Variants in COL4A4 observed in about 807,000 individuals in gnomAD.
The protein encoded by COL4A4 is collagen alpha-4(IV) chain.
Under a neutral mutation model 192.9 loss-of-function variants are expected in COL4A4, and 105 were observed. The observed-to-expected ratio is 0.54, with a 90% CI of 0.46 to 0.64. COL4A4 has a LOEUF of 0.64. Ranked by LOEUF, COL4A4 falls within the 30% of genes least tolerant of loss-of-function variation. COL4A4 has a pLI of 0.00. For missense variants in COL4A4, 1,967 were observed against 2,169.3 expected, an observed-to-expected ratio of 0.91 and a Z score of 1.85; for synonymous variants, 762 against 769.9, an observed-to-expected ratio of 0.99 and a Z score of 0.17.
chr2:227,111,806 C>T, intron 8 of COL4A4, 93 bp from the exon 9 acceptor site: 1 of 1,292,724 alleles, frequency 7.7e-7, no homozygotes, highest in Non-Finnish European at 1.1e-6. Context: ...ATTATCTGGA[C>T]TCATCTAACT....
chr2:227,140,879 A>T (rs1171364620), intron 3 of COL4A4, among the ~76,000 whole-genome samples: 27 of 30,294 alleles, frequency 8.9e-4, no homozygotes, highest in African/African-American at 5.9e-3. Flanking sequence ...AGAGCATCAC[A>T]CACACACACA....
At position 227,114,688 on chromosome 2, in the gene COL4A4, A is replaced by C. The variant is rs775512192; in HGVS notation, c.498T>G (p.Pro166=). The change falls in exon 8 of 48, where the codon CCT becomes CCG. Residue 166 remains proline, a synonymous_variant. Coordinates refer to ENST00000396625, the MANE Select transcript of COL4A4 (RefSeq NM_000092.5). The part of the protein sequence containing the change: ...ALGPGGPLGH[P]GEKGEKGNSV... ...AATTTCCTTTTTCTCCCTTTTCCCCAGGATGGCCCTGAAAATAAAATATGT... is the reference window on the plus strand; with the variant it reads ...AATTTCCTTTTTCTCCCTTTTCCCCCGGATGGCCCTGAAAATAAAATATGT... 8.1e-6 allele frequency: 13 copies of C among 1,613,486 alleles called. No individual in the cohort carries two copies. In the Admixed American group the frequency reaches 2.2e-4, roughly 27 times the overall value.
At chr2:226,976,047 CTGTT>C in the COL4A4 span, among the ~76,000 whole-genome samples, 1 of 151,628 alleles carries the variant, frequency 6.6e-6, no homozygotes, top group Non-Finnish European at 1.5e-5. Flanking sequence ...CAAGTCCTGG[CTGTT>C]TGGTTTGGAG....
At chr2:227,160,426 G>A (rs2064729639) in intron 1 of COL4A4, among the ~76,000 whole-genome samples, 1 of 152,128 alleles carries the variant, frequency 6.6e-6, no homozygotes, top group South Asian at 2.1e-4. Flanking sequence ...GTCACATCTA[G>A]GAGGAAGGTT....
rs890254164 is a variant in COL4A4, at chr2:227,005,907, C to G, written c.*1418G>C. 3 of 151,990 alleles carry G rather than the reference C, an allele frequency of 2.0e-5. No individual in the cohort carries two copies. The highest frequency in any genetic ancestry group is 7.3e-5 in the African/African-American group (3 of 41,372). 9.4% of individuals were successfully genotyped at this position (151,990 alleles called of 1,614,324 possible). ...AATTTAGGATTAGATCACCAAATTC[C>G]TAGCAAAACAGAAAAAGGGATCTTT... is the stretch of plus-strand genomic sequence containing the variant. On this transcript the variant is annotated 3_prime_UTR_variant, in exon 48 of 48. Coordinates refer to ENST00000396625, the MANE Select transcript of COL4A4 (RefSeq NM_000092.5).
In COL4A4 at chr2:227,008,109, G is replaced by A. The variant is rs762613810; in HGVS notation, c.4718C>T (p.Ala1573Val). 2.5e-5 allele frequency: 41 copies of A among 1,613,972 alleles called. No individual in the cohort carries two copies. Among genetic ancestry groups the A allele is most frequent in the Admixed American group, 5.0e-5 (3 of 59,994 alleles). The change falls in exon 47 of 48, where the codon GCC becomes GTC. Residue 1573 changes from alanine (A) to valine (V), a missense_variant. Coordinates refer to ENST00000396625, the MANE Select transcript of COL4A4 (RefSeq NM_000092.5). ...VSRCAVCEAPAQAVAVHSQDQ... is the reference protein window; with the variant it reads ...VSRCAVCEAPVQAVAVHSQDQ... ...CTGGCTGTGCACCGCCACCGCCTGG[G>A]CCGGGGCCTCGCATACCGCACAGCG... is the stretch of plus-strand genomic sequence containing the variant.
chr2:227,131,687 G>A (rs139998921), intron 4 of COL4A4, among the ~76,000 whole-genome samples: 1 of 152,234 alleles, frequency 6.6e-6, no homozygotes, highest in African/African-American at 2.4e-5. Flanking sequence ...GCCTTAGACG[G>A]CAAAAGACCT....
intron 8 of COL4A4, among the ~76,000 whole-genome samples, chr2:227,112,300 C>T (rs993434837): frequency 1.3e-5 from 2 of 150,082 alleles, no homozygotes; most frequent in Non-Finnish European, 2.9e-5. Flanking sequence ...TGGAGTCTCG[C>T]TCTTGTCACC....
At chr2:227,022,460 G>T in intron 43 of COL4A4, 1 of 631,878 alleles carries the variant, frequency 1.6e-6, no homozygotes, top group South Asian at 1.4e-5. Flanking sequence ...AACAGTGAAG[G>T]TCGGATGATG....
In COL4A4 at chr2:227,007,375, C is replaced by T. The variant is rs187786164; in HGVS notation, c.5023G>A (p.Ala1675Thr). The T allele has an allele frequency of 6.2e-7, 1 of 1,614,210 alleles. No individual in the cohort carries two copies. Among genetic ancestry groups the T allele is most frequent in the East Asian group, 2.2e-5 (1 of 44,888 alleles). Residue 1675 changes from alanine (A) to threonine (T), a missense_variant, in exon 48 of 48, where the codon GCC becomes ACC. Transcript: ENST00000396625. ...PAPDTLKESQ[A>T]QRQKISRCQV... Reference sequence around the variant, plus strand: ...CACCGGCTGATTTTCTGGCGTTGGGCCTGGCTTTCTTTTAAGGTGTCTGGT... The same window carrying T: ...CACCGGCTGATTTTCTGGCGTTGGGTCTGGCTTTCTTTTAAGGTGTCTGGT...
chr2:227,000,543 C>G (rs1004959988), downstream of COL4A4, among the ~76,000 whole-genome samples: 2 of 152,120 alleles, frequency 1.3e-5, no homozygotes, highest in Non-Finnish European at 2.9e-5. Flanking sequence ...CAAGCTACCC[C>G]CTAGAGATAA....
intron 6 of COL4A4, 78 bp downstream of exon 6, chr2:227,119,817 A>G (rs1576652433): frequency 1.5e-5 from 12 of 810,450 alleles, no homozygotes; most frequent in Middle Eastern, 3.7e-4. Context: ...TTTTATGTAT[A>G]TATACATGTG....
chr2:227,070,112 G>GA (rs901804937), intron 25 of COL4A4, among the ~76,000 whole-genome samples: 364 of 152,220 alleles, frequency 2.4e-3, no homozygotes, highest in African/African-American at 8.4e-3. Flanking sequence ...AAAAAACAAT[G>GA]AAAAAATGCT....
intron 1 of COL4A4, among the ~76,000 whole-genome samples, chr2:227,148,775 T>C (rs1361704270): frequency 6.6e-6 from 1 of 151,870 alleles, no homozygotes; most frequent in East Asian, 1.9e-4. Context: ...TTGGCTTCTT[T>C]AAAAGACCTG....
At chr2:227,101,480 T>C (rs764838688) in intron 17 of COL4A4, 24 bp downstream of exon 17, 1 of 1,577,042 alleles carries the variant, frequency 6.3e-7, no homozygotes, top group Admixed American at 1.7e-5. Context: ...TATCAGGATA[T>C]ATTAAAATAG....
chr2:227,134,841 A>AT (rs2062708813), intron 4 of COL4A4, among the ~76,000 whole-genome samples: 1 of 152,260 alleles, frequency 6.6e-6, no homozygotes, highest in Non-Finnish European at 1.5e-5. Context: ...TTGTAAAACC[A>AT]CCACATCATA....
At chr2:226,973,893 C>T in the COL4A4 span, among the ~76,000 whole-genome samples, 23 of 152,360 alleles carry the variant, frequency 1.5e-4, no homozygotes, top group South Asian at 4.6e-3. Flanking sequence ...GTTCATCCTC[C>T]TGGCTGCCCA....
intron 12 of COL4A4, among the ~76,000 whole-genome samples, chr2:227,104,706 T>C (rs74408517): frequency 0.65 from 93,557 of 143,138 alleles, 30,718 homozygotes; most frequent in Middle Eastern, 0.71. Flanking sequence ...AATGACGCGA[T>C]CTCGGCTCAC....
chr2:226,993,245 G>A, the COL4A4 span, among the ~76,000 whole-genome samples: 1 of 152,236 alleles, frequency 6.6e-6, no homozygotes, highest in Admixed American at 6.5e-5. Flanking sequence ...AGGACTCTGT[G>A]TTTCCCTCTG....
Sources: gnomAD v4.1 joint callset for allele counts (sites outside exome capture counted in the v4.1 genomes callset) on GRCh38, gnomAD v4.1.1 for gene constraint, MANE v1.5 for transcripts, NCBI Gene and HGNC (gene_info 2026-07-23, HGNC 2026-07-21) for gene names.